MAP3K9: variants seen among roughly 807,000 people sequenced by gnomAD.
The protein encoded by MAP3K9 is mitogen-activated protein kinase kinase kinase 9, also known as mixed lineage kinase 1 (tyr and ser/thr specificity).
In MAP3K9, 46 loss-of-function variants were observed where a neutral mutation model predicts 95.8. That is an observed-to-expected ratio of 0.48 (90% CI 0.38 to 0.61). The LOEUF is 0.61. Among genes scored for constraint, MAP3K9 ranks in the 20% least tolerant of loss-of-function variants. The pLI is 0.00. For synonymous variants in MAP3K9, 533 were observed against 593.8 expected (o/e 0.90, Z 1.49); for missense variants, 1,296 against 1,474.3 (o/e 0.88, Z 1.98).
At chr14:70,751,029 G>T (rs1346337868) in intron 3 of MAP3K9, among the ~76,000 whole-genome samples, 3 of 141,070 alleles carry the variant, frequency 2.1e-5, no homozygotes, top group African/African-American at 5.4e-5. Context: ...TCTGCCCCCA[G>T]ATCAGCGTGA....
At chr14:70,744,878 C>A (rs1177529211) in intron 5 of MAP3K9, among the ~76,000 whole-genome samples, 1 of 152,144 alleles carries the variant, frequency 6.6e-6, no homozygotes, top group Non-Finnish European at 1.5e-5. Context: ...CAAGAACAGG[C>A]CCTTTTGTCC....
At chr14:70,748,101 T>A (rs1209230302) in intron 5 of MAP3K9, among the ~76,000 whole-genome samples, 1 of 73,830 alleles carries the variant, frequency 1.4e-5, no homozygotes, top group East Asian at 3.2e-4. Context: ...AGCGAGACTG[T>A]CTCAAAAAAA....
intron 2 of MAP3K9, chr14:70,783,218 C>T (rs1458314648): frequency 1.0e-6 from 1 of 974,402 alleles, no homozygotes; most frequent in Non-Finnish European, 1.2e-6. Flanking sequence ...AAGCCACAGA[C>T]TCACATGTTA....
chr14:70,769,353 A>G (rs1394608820), intron 2 of MAP3K9, among the ~76,000 whole-genome samples: 2 of 152,100 alleles, frequency 1.3e-5, no homozygotes, highest in African/African-American at 4.8e-5. Context: ...ACATCTGACA[A>G]CCGTGACTTC....
At chr14:70,755,236 C>G (rs761510270) in intron 3 of MAP3K9, among the ~76,000 whole-genome samples, 23 of 152,226 alleles carry the variant, frequency 1.5e-4, no homozygotes, top group African/African-American at 2.4e-5. Context: ...TGGGAAACAG[C>G]TTTGTACCAA....
chr14:70,809,001 C>A lies in MAP3K9; in HGVS notation c.171G>T (p.Trp57Cys). 6.5e-7 allele frequency: 1 copy of A among 1,540,796 alleles called. No homozygotes were observed. The highest frequency in any genetic ancestry group is 8.7e-7 in the Non-Finnish European group (1 of 1,150,328). ...ELGCDAPLPY[W>C]TAVFEYEAAG... ...CCGCCTCGTACTCGAACACGGCCGT[C>A]CAGTAGGGCAGCGGCGCGTCGCAGC... Residue 57 changes from tryptophan to cysteine, a missense_variant, in exon 1 of 12, where the codon TGG becomes TGT. Trp to Cys is a radical substitution (Grantham distance 215). Coordinates refer to ENST00000554752, the MANE Select transcript of MAP3K9 (RefSeq NM_001284230.2).
chr14:70,774,753 G>A (rs768663226), intron 2 of MAP3K9, among the ~76,000 whole-genome samples: 34 of 151,896 alleles, frequency 2.2e-4, no homozygotes, highest in African/African-American at 4.4e-4. Context: ...GTGGGAGGCC[G>A]AGGCAGGTGG....
At chr14:70,746,437 A>T (rs924820691) in intron 5 of MAP3K9, among the ~76,000 whole-genome samples, 2 of 152,238 alleles carry the variant, frequency 1.3e-5, no homozygotes, top group African/African-American at 4.8e-5. Flanking sequence ...CATCTTCCAC[A>T]TACAGAATGA....
At position 70,809,456 on chromosome 14, in the gene MAP3K9, T is replaced by G; in HGVS notation, c.-285A>C. The stretch of plus-strand genomic sequence containing the variant: ...GCGGCCTCGTCACCTCTGCCGCCGG[T>G]ACCTGCTCGCGCAGCCGGTGCCCGC... On this transcript the variant is annotated 5_prime_UTR_variant, in exon 1 of 12. Coordinates refer to ENST00000554752, the MANE Select transcript of MAP3K9 (RefSeq NM_001284230.2). 30 of 227,964 alleles carry G rather than the reference T, an allele frequency of 1.3e-4. No individual in the cohort carries two copies. The highest frequency in any genetic ancestry group is 1.3e-3 in the Middle Eastern group (1 of 748). 14.1% of individuals were successfully genotyped at this position (227,964 alleles called of 1,614,324 possible).
chr14:70,768,617 C>A (rs2054489642), intron 2 of MAP3K9, among the ~76,000 whole-genome samples: 1 of 152,156 alleles, frequency 6.6e-6, no homozygotes, highest in East Asian at 1.9e-4. Context: ...TTAAAATGGT[C>A]TCAAGGCCAT....
intron 2 of MAP3K9, among the ~76,000 whole-genome samples, chr14:70,785,149 T>C (rs1224912296): frequency 6.6e-6 from 1 of 152,202 alleles, no homozygotes; most frequent in Non-Finnish European, 1.5e-5. Context: ...GGGCAGGGCA[T>C]TGTTAAACCT....
At chr14:70,732,500 G>T in intron 11 of MAP3K9, 39 bp downstream of exon 11, 3 of 1,511,068 alleles carry the variant, frequency 2.0e-6, no homozygotes, top group Non-Finnish European at 2.7e-6. Flanking sequence ...CCCTGAGGAG[G>T]CACAAAGAAA....
At position 70,727,993 on chromosome 14, in the gene MAP3K9, T is replaced by C. The variant is rs2053841781; in HGVS notation, c.*2387A>G. 2.0e-5 allele frequency: 3 copies of C among 151,964 alleles called. No homozygotes were observed. The highest frequency in any genetic ancestry group is 4.4e-5 in the Non-Finnish European group (3 of 68,062). The allele number at this position is 151,964 out of a possible 1,614,324, so 9.4% of individuals were successfully genotyped here. Reference sequence around the variant, plus strand: ...GCTTCATACCACAGAGCACTGTGTATAGGCAGCATGGTTTGGAGGGCCACA... The same window carrying C: ...GCTTCATACCACAGAGCACTGTGTACAGGCAGCATGGTTTGGAGGGCCACA... On this transcript the variant is annotated 3_prime_UTR_variant, in exon 12 of 12. Coordinates refer to ENST00000554752, the MANE Select transcript of MAP3K9 (RefSeq NM_001284230.2).
chr14:70,752,548 A>C (rs2054243695), intron 3 of MAP3K9, among the ~76,000 whole-genome samples: 1 of 152,158 alleles, frequency 6.6e-6, no homozygotes, highest in East Asian at 1.9e-4. Flanking sequence ...AGCTTCTACC[A>C]AGTGACCTCC....
chr14:70,783,376 T>C (rs1435628902), intron 2 of MAP3K9: 1 of 985,178 alleles, frequency 1.0e-6, no homozygotes, highest in Non-Finnish European at 1.2e-6. Flanking sequence ...CAAATACCCC[T>C]TTTTAATTCC....
At chr14:70,758,423 T>C (rs982175698) in intron 3 of MAP3K9, among the ~76,000 whole-genome samples, 3 of 152,182 alleles carry the variant, frequency 2.0e-5, no homozygotes, top group Non-Finnish European at 4.4e-5. Context: ...TGTGGTGAAA[T>C]TGGAACATTC....
At chr14:70,730,932 T>A in intron 11 of MAP3K9, 68 bp from the exon 12 acceptor site, 1 of 1,475,292 alleles carries the variant, frequency 6.8e-7, no homozygotes, top group African/African-American at 1.4e-5. Context: ...TATCCGCTAC[T>A]CCCCCCCAAC....
intron 2 of MAP3K9, among the ~76,000 whole-genome samples, chr14:70,790,507 G>A (rs2139842399): frequency 6.6e-6 from 1 of 152,258 alleles, no homozygotes; most frequent in Admixed American, 6.5e-5. Context: ...CAGCCCTGGG[G>A]CCCACGTTCT....
At chr14:70,753,083 T>C (rs2054251967) in intron 3 of MAP3K9, 1 of 152,262 alleles carries the variant, frequency 6.6e-6, no homozygotes, top group Non-Finnish European at 1.5e-5. Flanking sequence ...TTTTATCACT[T>C]AACAGCTATG....
Sources: gnomAD v4.1 joint callset for allele counts (sites outside exome capture counted in the v4.1 genomes callset) on GRCh38, gnomAD v4.1.1 for gene constraint, MANE v1.5 for transcripts, NCBI Gene and HGNC (gene_info 2026-07-23, HGNC 2026-07-21) for gene names.